The following AMPD2 variants were observed in gnomAD, a reference collection of about 807,000 sequenced individuals.
AMPD2 encodes the protein adenosine monophosphate deaminase 2.
In AMPD2, 52 loss-of-function variants were observed where a neutral mutation model predicts 91.3. That is an observed-to-expected ratio of 0.57 (90% CI 0.46 to 0.72). The LOEUF (loss-of-function observed/expected upper bound fraction) is 0.72. Among genes scored for constraint, AMPD2 ranks in the 30% least tolerant of loss-of-function variants. The pLI, the probability that AMPD2 is intolerant of heterozygous loss-of-function variation, is 0.00. For missense variants in AMPD2, 822 were observed against 1,122.3 expected (o/e 0.73, Z 3.82); for synonymous variants, 455 against 456.4 (o/e 1.00, Z 0.04).
rs143398602 is a variant in AMPD2, at chr1:109,629,186, C to T, written c.1649C>T (p.Ala550Val). Reference protein sequence around the residue: ...LENIFLPLFEATVHPASHPEL... With the variant: ...LENIFLPLFEVTVHPASHPEL... ...AACATCTTCCTGCCACTGTTCGAGG[C>T]CACTGTGCACCCTGCCAGCCACCCG... Residue 550 changes from alanine (A) to valine (V), a missense_variant, in exon 14 of 19, where the codon GCC becomes GTC. Ala to Val is a moderately conservative substitution (Grantham distance 64). This residue lies in a region of AMPD2 where 430 missense variants were observed against 606.0 expected (regional missense o/e 0.71). Transcript: ENST00000528667. 1 of 1,614,142 alleles carries T rather than the reference C, an allele frequency of 6.2e-7. No homozygotes were observed. Among genetic ancestry groups the T allele is most frequent in the Non-Finnish European group, 8.5e-7 (1 of 1,180,034 alleles).
chr1:109,624,089 G>A lies in AMPD2; in HGVS notation c.92-1214G>A. Reference sequence around the variant, plus strand: ...TGGCCGGAGCTGCCTGCACTCTGCAGGTAGGGTTCAGGCAGGGGCCGGGGT... The same window carrying A: ...TGGCCGGAGCTGCCTGCACTCTGCAAGTAGGGTTCAGGCAGGGGCCGGGGT... On this transcript the variant is annotated intron_variant, in intron 2 of 18. Transcript: ENST00000528667. This position sits in a 1 kb window ranked among gnomAD's most constrained non-coding sequence, Gnocchi z 5.2. The A allele has an allele frequency of 1.0e-6, 1 of 985,650 alleles. No homozygotes were observed. The highest frequency in any genetic ancestry group is 1.2e-6 in the Non-Finnish European group (1 of 830,074). The allele number at this position is 985,650 out of a possible 1,614,324, so 61.1% of individuals were successfully genotyped here.
In AMPD2 at chr1:109,629,217, G is replaced by A. The variant is rs1381825646; in HGVS notation, c.1680G>A (p.Leu560=). ...TGCACCCTGCCAGCCACCCGGAACTGCATCTCTTCTTAGAGCACGTGAGCA... is the reference window on the plus strand; with the variant it reads ...TGCACCCTGCCAGCCACCCGGAACTACATCTCTTCTTAGAGCACGTGAGCA... ...ATVHPASHPE[L]HLFLEHVDGF... Residue 560 remains leucine (L), a synonymous_variant, in exon 14 of 19, where the codon CTG becomes CTA. Coordinates refer to ENST00000528667, the MANE Select transcript of AMPD2 (RefSeq NM_001368809.2). 1.1e-5 allele frequency: 17 copies of A among 1,614,076 alleles called. No individual in the cohort carries two copies. The highest frequency in any genetic ancestry group is 1.4e-5 in the Non-Finnish European group (17 of 1,180,044).
rs897963965 is a variant in AMPD2 at position 109,631,066 on chromosome 1, G to A, written c.2392G>A (p.Ala798Thr). 3.7e-6 allele frequency: 6 copies of A among 1,613,792 alleles called. No homozygotes were observed. The South Asian group carries it at 6.6e-5, about 18-fold the overall frequency. The stretch of plus-strand genomic sequence containing the variant: ...CTACGAGACCCTGTGCCAGGAGCTG[G>A]CGCTCATCACGCAGGCAGTCCAGAG... ...YRYETLCQELALITQAVQSEM... is the reference protein window; with the variant it reads ...YRYETLCQELTLITQAVQSEM... The change falls in exon 19 of 19, where the codon GCG (alanine) becomes ACG (threonine). Residue 798 changes from alanine (A) to threonine (T), a missense_variant. Physicochemically the swap from Ala to Thr is moderately conservative, Grantham distance 58. Coordinates refer to ENST00000528667, the MANE Select transcript of AMPD2 (RefSeq NM_001368809.2).
intron 8 of AMPD2, 30 bp from the exon 9 acceptor site, chr1:109,627,399 T>C (rs1392641617): frequency 2.5e-6 from 4 of 1,613,836 alleles, no homozygotes; most frequent in Non-Finnish European, 3.4e-6. Context: ...CTCGGCTTGC[T>C]CTCCTCACCC....
chr1:109,626,709 C>A lies in AMPD2; in HGVS notation c.532-17C>A. The A allele has an allele frequency of 6.2e-7, 1 of 1,607,788 alleles. No homozygotes were observed. The highest frequency in any genetic ancestry group is 8.5e-7 in the Non-Finnish European group (1 of 1,176,264). Reference sequence around the variant, plus strand: ...AGTCCAAGACTGAGGAGAGTGATCGCATATCCTCATCTCCAGGTGCCGTTC... The same window carrying A: ...AGTCCAAGACTGAGGAGAGTGATCGAATATCCTCATCTCCAGGTGCCGTTC... On this transcript the variant is annotated splice_polypyrimidine_tract_variant and intron_variant, in intron 6 of 18. Transcript: ENST00000528667.
chr1:109,630,207 G>GCC (rs1651092523), intron 16 of AMPD2, 26 bp from the exon 17 acceptor site: 1 of 1,608,706 alleles, frequency 6.2e-7, no homozygotes, highest in African/African-American at 1.3e-5. Context: ...CACCTGACAG[G>GCC]CCCTCCCTCC....
Position 109,626,618 on chromosome 1 carries a change from G to T in AMPD2, c.532-108G>T. 2.1e-6 allele frequency: 3 copies of T among 1,461,858 alleles called. No individual in the cohort carries two copies. The South Asian group carries it at 3.9e-5, about 19-fold the overall frequency. 90.6% of individuals were successfully genotyped at this position (1,461,858 alleles called of 1,614,324 possible). ...CAGGGTGATCTGAGTGTTCCTGGGG[G>T]TCAGGGCCTGTGGGAGGTGGGGATA... On this transcript the variant is annotated intron_variant, in intron 6 of 18. Coordinates refer to ENST00000528667, the MANE Select transcript of AMPD2 (RefSeq NM_001368809.2).
In AMPD2 at chr1:109,625,676, C is replaced by T. The variant is rs1650609306; in HGVS notation, c.237C>T (p.Arg79=). The change falls in exon 4 of 19, where the codon CGC becomes CGT. Residue 79 remains arginine, a synonymous_variant. Coordinates refer to ENST00000528667, the MANE Select transcript of AMPD2 (RefSeq NM_001368809.2). This position sits in a 1 kb window ranked among gnomAD's most constrained non-coding sequence, Gnocchi z 4.0. ...CCTCCCCCCAGGAGCTGTTCACCCG[C>T]TCACTGGCTGAGAGCGAGCTCCGTA... ...CKEIAEELFT[R]SLAESELRSA... is the part of the protein sequence containing the mutation. 2 of 1,614,022 alleles carry T rather than the reference C, an allele frequency of 1.2e-6. No homozygotes were observed. Among genetic ancestry groups the T allele is most frequent in the Non-Finnish European group, 8.5e-7 (1 of 1,179,982 alleles).
chr1:109,620,495 G>T, intron 1 of AMPD2: 6 of 1,201,422 alleles, frequency 5.0e-6, no homozygotes, highest in Non-Finnish European at 6.5e-6. Context: ...AGACAAGGGG[G>T]TCTCCTGGCC....
rs764032802 is a variant in AMPD2 at position 109,630,762 on chromosome 1, A to G, written c.2237A>G (p.Asn746Ser). 4.3e-5 allele frequency: 69 copies of G among 1,611,288 alleles called. No homozygotes were observed. Among genetic ancestry groups the G allele is most frequent in the Non-Finnish European group, 4.6e-5 (54 of 1,179,046 alleles). The change falls in exon 18 of 19, where the codon AAC becomes AGC. Residue 746 changes from asparagine to serine, a missense_variant. Transcript: ENST00000528667. ...SSCDMCELAR[N>S]SVLMSGFSHK... Reference sequence around the variant, plus strand: ...TGCGATATGTGTGAGCTGGCCCGCAACAGCGTGCTCATGAGCGGCTTCTCG... The same window carrying G: ...TGCGATATGTGTGAGCTGGCCCGCAGCAGCGTGCTCATGAGCGGCTTCTCG...
In AMPD2 at chr1:109,626,754, C is replaced by G; in HGVS notation, c.560C>G (p.Ala187Gly). The G allele has an allele frequency of 2.5e-6, 4 of 1,613,786 alleles. No individual in the cohort carries two copies. The highest frequency in any genetic ancestry group is 3.4e-6 in the Non-Finnish European group (4 of 1,179,788). ...CCGTTCACAGACCTGCTGGATGCAG[C>G]CAAGAGTGTGGTGCGGGCGCTCTTC... The part of the protein sequence containing the change: ...GVPFTDLLDA[A>G]KSVVRALFIR... Residue 187 changes from alanine (A) to glycine (G), a missense_variant, in exon 7 of 19, where the codon GCC becomes GGC. Physicochemically the swap from Ala to Gly is moderately conservative, Grantham distance 60. Transcript: ENST00000528667.
chr1:109,625,317 C>G lies in AMPD2; in HGVS notation c.106C>G (p.Leu36Val), dbSNP rs749918422. The G allele has an allele frequency of 9.3e-6, 15 of 1,613,008 alleles. No individual in the cohort carries two copies. Among genetic ancestry groups the G allele is most frequent in the Non-Finnish European group, 1.1e-5 (13 of 1,179,748 alleles). ...STAAPEARGG[L>V]GAPPLQSARS... ...TGTCTCTGCAGAGGCTCGGGGTGGT[C>G]TGGGGGCCCCTCCGCTGCAGTCTGC... The change falls in exon 3 of 19, where the codon CTG (leucine) becomes GTG (valine). Residue 36 changes from leucine (L) to valine (V), a missense_variant. Coordinates refer to ENST00000528667, the MANE Select transcript of AMPD2 (RefSeq NM_001368809.2). This position sits in a 1 kb window ranked among gnomAD's most constrained non-coding sequence, Gnocchi z 4.0.
rs753757082 is a variant in AMPD2 at position 109,626,329 on chromosome 1, G to A, written c.433G>A (p.Glu145Lys). Residue 145 changes from glutamate to lysine, a missense_variant, in exon 6 of 19, where the codon GAA becomes AAA. This residue lies in a region of AMPD2 where 240 missense variants were observed against 270.3 expected (regional missense o/e 0.89). Coordinates refer to ENST00000528667, the MANE Select transcript of AMPD2 (RefSeq NM_001368809.2). The part of the protein sequence containing the change: ...DSDSDLQLYK[E>K]QGEGQGDRSL... ...ATGCACCCCCTGCAGGCTCTACAAG[G>A]AACAGGGTGAGGGGCAGGGTGACCG... The A allele has an allele frequency of 1.2e-6, 2 of 1,613,556 alleles. No individual in the cohort carries two copies. The highest frequency in any genetic ancestry group is 1.7e-6 in the Non-Finnish European group (2 of 1,179,612).
In AMPD2 at chr1:109,630,736, C is replaced by T. The variant is rs1313972840; in HGVS notation, c.2211C>T (p.Ser737=). 2.5e-6 allele frequency: 4 copies of T among 1,612,108 alleles called. No individual in the cohort carries two copies. The highest frequency in any genetic ancestry group is 3.4e-6 in the Non-Finnish European group (4 of 1,179,470). ...CCACCCAGGTGTGGAAGCTCAGCTC[C>T]TGCGATATGTGTGAGCTGGCCCGCA... The part of the protein sequence containing the change: ...SIATQVWKLS[S]CDMCELARNS... Residue 737 remains serine (S), a synonymous_variant, in exon 18 of 19, where the codon TCC becomes TCT. Transcript: ENST00000528667.
At position 109,625,220 on chromosome 1, in the gene AMPD2, G is replaced by C. The variant is rs1650557398; in HGVS notation, c.92-83G>C. On this transcript the variant is annotated intron_variant, in intron 2 of 18. Transcript: ENST00000528667. The surrounding 1 kb of genome is among the most constrained non-coding windows in gnomAD (Gnocchi z 4.0). ...CTTTCCCGACCCTGGGCTCTCTCGG[G>C]AGCTGGCCTAGGCAGGGCAGGGGCC... The C allele has an allele frequency of 1.6e-5, 25 of 1,551,778 alleles. No individual in the cohort carries two copies. The highest frequency in any genetic ancestry group is 2.2e-5 in the Non-Finnish European group (25 of 1,145,798).
Position 109,621,730 on chromosome 1 carries a change from C to A in AMPD2, c.91+464C>A, listed in dbSNP as rs376580483. Among the ~76,000 whole-genome samples, 77 of 152,340 alleles carry A rather than the reference C, an allele frequency of 5.1e-4. 1 individual carries two copies. In the South Asian group the frequency reaches 0.011, roughly 22 times the overall value. On this transcript the variant is annotated intron_variant, in intron 2 of 18. Coordinates refer to ENST00000528667, the MANE Select transcript of AMPD2 (RefSeq NM_001368809.2). The stretch of plus-strand genomic sequence containing the variant: ...CATCTAGATCCCCCTCACTGGGGGT[C>A]TGACATCTGGGCACAACCATTGCTG...
chr1:109,630,183 C>A, intron 16 of AMPD2, 50 bp from the exon 17 acceptor site: 2 of 1,598,882 alleles, frequency 1.3e-6, no homozygotes, highest in Non-Finnish European at 1.7e-6. Flanking sequence ...CTGTGCCCTG[C>A]CCAGCCTCGG....
Position 109,621,137 on chromosome 1 carries a change from C to T in AMPD2, c.-39C>T, listed in dbSNP as rs956907084. 1.0e-5 allele frequency: 16 copies of T among 1,598,048 alleles called. No homozygotes were observed. Among genetic ancestry groups the T allele is most frequent in the Non-Finnish European group, 1.3e-5 (15 of 1,172,006 alleles). ...GGCAGAGCCAGGCCCCAGCCGGTGC[C>T]GCTCAGACTCCCCCGCTGTCGCCGC... On this transcript the variant is annotated 5_prime_UTR_variant, in exon 2 of 19. Coordinates refer to ENST00000528667, the MANE Select transcript of AMPD2 (RefSeq NM_001368809.2).
At chr1:109,629,300 G>C (rs1643110982) in intron 14 of AMPD2, 27 bp from the exon 15 acceptor site, 1 of 1,614,080 alleles carries the variant, frequency 6.2e-7, no homozygotes, top group South Asian at 1.1e-5. Flanking sequence ...CTGCAGCTCT[G>C]GTTCTGACCC....
Sources: gnomAD v4.1 joint callset for allele counts (sites outside exome capture counted in the v4.1 genomes callset) on GRCh38, gnomAD v4.1.1 for gene constraint, gnomAD v4.1.1 regional missense constraint, Gnocchi (gnomAD v3.1) non-coding constraint, MANE v1.5 for transcripts, NCBI Gene and HGNC (gene_info 2026-07-23, HGNC 2026-07-21) for gene names.